MCF2L2: variants seen among roughly 807,000 people sequenced by gnomAD.
The protein encoded by MCF2L2 is probable guanine nucleotide exchange factor MCF2L2.
A neutral mutation model predicts 150.2 loss-of-function variants in MCF2L2; 102 were observed. The observed-to-expected ratio is 0.68, with a 90% CI of 0.58 to 0.80. The LOEUF (loss-of-function observed/expected upper bound fraction) is 0.80, where lower values mean the gene tolerates loss of function less well. MCF2L2 is among the 30% of genes least tolerant of loss of function. The pLI, the probability that MCF2L2 is intolerant of heterozygous loss-of-function variation, is 0.00. For synonymous variants in MCF2L2, 465 were observed against 491.3 expected, an observed-to-expected ratio of 0.95 and a Z score of 0.71; for missense variants, 1,256 against 1,372.8, an observed-to-expected ratio of 0.91 and a Z score of 1.34.
At chr3:183,212,511 C>T (rs896349568) in intron 22 of MCF2L2, among the ~76,000 whole-genome samples, 3 of 152,150 alleles carry the variant, frequency 2.0e-5, no homozygotes, top group Non-Finnish European at 4.4e-5. Flanking sequence ...CACACCTGGG[C>T]ATTCTGCAGG....
At chr3:183,202,699 A>C (rs9867185) in intron 25 of MCF2L2, among the ~76,000 whole-genome samples, 3,708 of 152,372 alleles carry the variant, frequency 0.024, 141 homozygotes, top group African/African-American at 0.084. Context: ...ATGGCTGCAC[A>C]TAAATACAGA....
chr3:183,231,511 G>A (rs868866990), intron 15 of MCF2L2, among the ~76,000 whole-genome samples: 14 of 152,008 alleles, frequency 9.2e-5, no homozygotes, highest in Non-Finnish European at 2.9e-5. Flanking sequence ...AATGAGTGCA[G>A]TGGCATGATC....
chr3:183,325,659 C>A (rs1729994894), intron 5 of MCF2L2, among the ~76,000 whole-genome samples: 1 of 152,074 alleles, frequency 6.6e-6, no homozygotes, highest in Non-Finnish European at 1.5e-5. Flanking sequence ...TTAAAAAAGA[C>A]CCAATGTGCA....
chr3:183,396,115 T>C (rs1379042422), intron 1 of MCF2L2, among the ~76,000 whole-genome samples: 1 of 151,792 alleles, frequency 6.6e-6, no homozygotes, highest in Non-Finnish European at 1.5e-5. Context: ...GGTCCAGTGC[T>C]CAATGCTGGC....
At chr3:183,309,906 C>T in intron 9 of MCF2L2, 71 bp from the exon 10 acceptor site, 1 of 1,556,880 alleles carries the variant, frequency 6.4e-7, no homozygotes, top group Non-Finnish European at 8.7e-7. Flanking sequence ...GTTTGTTATG[C>T]TTCAAGAAAA....
chr3:183,407,492 GT>G (rs1229533764), intron 1 of MCF2L2, among the ~76,000 whole-genome samples: 2 of 152,162 alleles, frequency 1.3e-5, no homozygotes, highest in Non-Finnish European at 2.9e-5. Flanking sequence ...TGATATGTTA[GT>G]TTTATAAACA....
intron 5 of MCF2L2, among the ~76,000 whole-genome samples, chr3:183,326,500 AAAAAAAAAAAAAAAAAC>A (rs1424548330): frequency 7.2e-6 from 1 of 139,484 alleles, no homozygotes; most frequent in Non-Finnish European, 1.5e-5. Flanking sequence ...CTCAAAAAAA[AAAAAAAAAAAAAAAAAC>A]AAAAAAAAAC....
intron 15 of MCF2L2, among the ~76,000 whole-genome samples, chr3:183,258,648 C>T (rs895294905): frequency 1.1e-4 from 16 of 152,314 alleles, no homozygotes; most frequent in Admixed American, 2.0e-4. Flanking sequence ...ACCACCCCCC[C>T]GCCCCTGATA....
rs961803363 is a variant in MCF2L2, at chr3:183,350,633, G to A, written c.276-9003C>T. Among the ~76,000 whole-genome samples the A allele has an allele frequency of 2.6e-5, 4 of 152,228 alleles. No individual in the cohort carries two copies. In the East Asian group the frequency reaches 7.7e-4, roughly 29 times the overall value. On this transcript the variant is annotated intron_variant, in intron 3 of 29. Transcript: ENST00000328913. The stretch of plus-strand genomic sequence containing the variant: ...TTAAGAGTCATTAGAGGCCGGGCGC[G>A]GGGGCTCACGCCTGTAATCCCAGCA...
intron 15 of MCF2L2, among the ~76,000 whole-genome samples, chr3:183,268,458 A>G (rs891938211): frequency 6.6e-6 from 1 of 152,024 alleles, no homozygotes; most frequent in African/African-American, 2.4e-5. Flanking sequence ...AGAGAGATTT[A>G]GAAGAAGTGA....
At chr3:183,314,539 C>T (rs1202553197) in intron 7 of MCF2L2, among the ~76,000 whole-genome samples, 3 of 152,036 alleles carry the variant, frequency 2.0e-5, no homozygotes, top group African/African-American at 7.2e-5. Flanking sequence ...GGCGACCAGA[C>T]ACATATACCT....
At chr3:183,376,640 G>C (rs1713203073) in intron 3 of MCF2L2, 1 of 152,182 alleles carries the variant, frequency 6.6e-6, no homozygotes, top group Non-Finnish European at 1.5e-5. Flanking sequence ...TCCTGGCTGG[G>C]TCCAAGAGTT....
In MCF2L2 at chr3:183,215,954, T is replaced by A. The variant is rs1212202630; in HGVS notation, c.2496+15A>T. The A allele has an allele frequency of 1.2e-6, 2 of 1,611,672 alleles. No homozygotes were observed. Among genetic ancestry groups the A allele is most frequent in the Admixed American group, 3.3e-5 (2 of 59,796 alleles). On this transcript the variant is annotated intron_variant, in intron 22 of 29. Transcript: ENST00000328913. ...CCTTTTGTGTGAGATGCTCTAACAC[T>A]ACTATGGAACATACCGGACATTCAG... is the stretch of plus-strand genomic sequence containing the variant.
Position 183,179,308 on chromosome 3 carries a change from C to G in MCF2L2, c.*72G>C, listed in dbSNP as rs1490603630. On this transcript the variant is annotated 3_prime_UTR_variant, in exon 30 of 30. Transcript: ENST00000328913. This position sits in a 1 kb window ranked among gnomAD's most constrained non-coding sequence, Gnocchi z 4.2. ...GCTTTCTGCGTAGCTGGGCAGGGCC[C>G]GGGCCCCCACACCGCCTCTCCCGGG... 40 of 1,378,922 alleles carry G rather than the reference C, an allele frequency of 2.9e-5. No individual in the cohort carries two copies. The highest frequency in any genetic ancestry group is 3.4e-5 in the Non-Finnish European group (36 of 1,071,706). 85.4% of individuals were successfully genotyped at this position (1,378,922 alleles called of 1,614,324 possible).
At chr3:183,410,878 G>A (rs1029210787) in intron 1 of MCF2L2, among the ~76,000 whole-genome samples, 1 of 152,158 alleles carries the variant, frequency 6.6e-6, no homozygotes, top group African/African-American at 2.4e-5. Flanking sequence ...GCAGAGAAAA[G>A]CAGAAGAATG....
intron 1 of MCF2L2, among the ~76,000 whole-genome samples, chr3:183,402,451 C>CAAAAAAAAAAAAAAAAA (rs779201489): frequency 2.6e-4 from 14 of 54,766 alleles, no homozygotes; most frequent in South Asian, 9.1e-4. Context: ...GAGACTCCAT[C>CAAAAAAAAAAAAAAAAA]AAAAAAAAAA....
intron 15 of MCF2L2, among the ~76,000 whole-genome samples, chr3:183,255,386 T>C (rs559549776): frequency 1.3e-5 from 2 of 152,368 alleles, no homozygotes; most frequent in African/African-American, 4.8e-5. Context: ...GGCCAACTCT[T>C]TGCTTTTAAA....
chr3:183,250,970 C>T (rs1339649918), intron 15 of MCF2L2, among the ~76,000 whole-genome samples: 2 of 152,208 alleles, frequency 1.3e-5, no homozygotes, highest in East Asian at 1.9e-4. Context: ...CCCGTCACTG[C>T]GATTGCACTA....
At chr3:183,346,519 C>T (rs1448759131) in intron 3 of MCF2L2, among the ~76,000 whole-genome samples, 4 of 152,186 alleles carry the variant, frequency 2.6e-5, no homozygotes, top group Non-Finnish European at 4.4e-5. Context: ...GATGCCCTCT[C>T]TCACCACTCC....
Sources: allele counts gnomAD v4.1 joint callset (sites outside exome capture counted in the v4.1 genomes callset), GRCh38; gene constraint gnomAD v4.1.1; non-coding constraint Gnocchi (gnomAD v3.1); transcripts MANE v1.5; gene names NCBI Gene and HGNC (gene_info 2026-07-23, HGNC 2026-07-21).